The following SLC24A2 variants were observed in gnomAD, a reference collection of about 807,000 sequenced individuals.
SLC24A2 encodes the protein solute carrier family 24 member 2, also known as sodium/potassium/calcium exchanger 2.
SLC24A2 carries 36 observed loss-of-function variants against 62.0 expected under a neutral mutation model. The ratio of observed to expected loss-of-function variants is 0.58; its 90% CI spans 0.44 to 0.77. The LOEUF is 0.77. Ranked by LOEUF, SLC24A2 falls within the 30% of genes least tolerant of loss-of-function variation. The pLI is 0.00. For synonymous variants in SLC24A2, 358 were observed against 294.0 expected (o/e 1.22, Z -2.23); for missense variants, 846 against 817.9 (o/e 1.03, Z -0.42).
chr9:19,649,086 C>G (rs1818728359), intron 2 of SLC24A2, among the ~76,000 whole-genome samples: 1 of 149,908 alleles, frequency 6.7e-6, no homozygotes, highest in African/African-American at 2.4e-5. Flanking sequence ...TAGAAAAGTT[C>G]CAAGGTCAAG....
intron 10 of SLC24A2, among the ~76,000 whole-genome samples, chr9:19,520,062 A>G (rs1170136788): frequency 6.6e-6 from 1 of 152,222 alleles, no homozygotes. Context: ...CATGGTAGAC[A>G]CTGTATGAAA....
At chr9:20,125,454 T>C in the SLC24A2 span, among the ~76,000 whole-genome samples, 1 of 152,184 alleles carries the variant, frequency 6.6e-6, no homozygotes, top group Non-Finnish European at 1.5e-5. Context: ...TTATAGTCAG[T>C]AAATACACTC....
chr9:20,298,976 C>T, the SLC24A2 span, among the ~76,000 whole-genome samples: 3 of 152,154 alleles, frequency 2.0e-5, no homozygotes, highest in Non-Finnish European at 4.4e-5. Context: ...AGAGGACATG[C>T]GGCCATGGAG....
At chr9:19,749,323 C>T (rs1459431648) in intron 2 of SLC24A2, among the ~76,000 whole-genome samples, 1 of 151,654 alleles carries the variant, frequency 6.6e-6, no homozygotes, top group Non-Finnish European at 1.5e-5. Flanking sequence ...CTTTTTTGAC[C>T]ATATTTTTAT....
At chr9:20,256,921 TACACACAC>T in the SLC24A2 span, among the ~76,000 whole-genome samples, 6 of 119,884 alleles carry the variant, frequency 5.0e-5, no homozygotes, top group African/African-American at 1.1e-4. Context: ...CTCCAGCATG[TACACACAC>T]ACACACACAC....
At chr9:19,755,012 A>G (rs1255614411) in intron 2 of SLC24A2, among the ~76,000 whole-genome samples, 6 of 152,106 alleles carry the variant, frequency 3.9e-5, no homozygotes, top group Non-Finnish European at 7.4e-5. Flanking sequence ...AGACTGATAT[A>G]CCTCTCTAAC....
At chr9:19,657,208 T>C (rs1818966854) in intron 2 of SLC24A2, among the ~76,000 whole-genome samples, 2 of 152,182 alleles carry the variant, frequency 1.3e-5, no homozygotes. Context: ...TGTCGTGTAT[T>C]GAGTGCTACG....
chr9:19,820,039 A>ACATATATGTATATATATATGTG, the SLC24A2 span, among the ~76,000 whole-genome samples: 5 of 20,674 alleles, frequency 2.4e-4, 1 homozygote, highest in African/African-American at 3.4e-4. Flanking sequence ...ATATATATAT[A>ACATATATGTATATATATATGTG]TACATATATA....
the SLC24A2 span, among the ~76,000 whole-genome samples, chr9:20,107,939 C>A: frequency 1.3e-5 from 2 of 152,104 alleles, no homozygotes. Context: ...TTTTCGCAAC[C>A]TACTCATCTG....
At chr9:20,050,679 A>G in the SLC24A2 span, among the ~76,000 whole-genome samples, 1 of 152,228 alleles carries the variant, frequency 6.6e-6, no homozygotes, top group African/African-American at 2.4e-5. Context: ...AAGAAACTCA[A>G]TGACGTGAAT....
At chr9:20,256,112 G>A in the SLC24A2 span, among the ~76,000 whole-genome samples, 2 of 152,196 alleles carry the variant, frequency 1.3e-5, no homozygotes, top group Non-Finnish European at 2.9e-5. Flanking sequence ...TGTGATAACA[G>A]TATTAATTAT....
the SLC24A2 span, among the ~76,000 whole-genome samples, chr9:20,220,039 T>C: frequency 6.6e-6 from 1 of 152,164 alleles, no homozygotes; most frequent in Non-Finnish European, 1.5e-5. Flanking sequence ...TAATTTATTA[T>C]TCCTTTTACT....
chr9:19,713,789 C>T (rs1410705961), intron 2 of SLC24A2, among the ~76,000 whole-genome samples: 1 of 151,532 alleles, frequency 6.6e-6, no homozygotes, highest in South Asian at 2.1e-4. Context: ...ATTTTTTTTT[C>T]CCCCCGATGA....
At chr9:19,943,967 AT>A in the SLC24A2 span, among the ~76,000 whole-genome samples, 1 of 152,218 alleles carries the variant, frequency 6.6e-6, no homozygotes, top group Admixed American at 6.5e-5. Context: ...CAATTTAAAC[AT>A]TAGATGATTC....
the SLC24A2 span, among the ~76,000 whole-genome samples, chr9:19,829,822 C>T: frequency 7.0e-6 from 1 of 142,098 alleles, no homozygotes; most frequent in African/African-American, 2.5e-5. Flanking sequence ...CACACACACA[C>T]ACACACACAC....
At chr9:19,770,005 A>T (rs1254100833) in intron 2 of SLC24A2, among the ~76,000 whole-genome samples, 1 of 151,688 alleles carries the variant, frequency 6.6e-6, no homozygotes, top group African/African-American at 2.4e-5. Context: ...TTACTTACCT[A>T]AATAAAGCAA....
chr9:20,058,912 T>C, the SLC24A2 span, among the ~76,000 whole-genome samples: 1 of 152,250 alleles, frequency 6.6e-6, no homozygotes, highest in Non-Finnish European at 1.5e-5. Context: ...AAAATGCTAC[T>C]TTGATACTGT....
chr9:20,258,110 A>G, the SLC24A2 span, among the ~76,000 whole-genome samples: 1 of 152,112 alleles, frequency 6.6e-6, no homozygotes, highest in Non-Finnish European at 1.5e-5. Flanking sequence ...GAGAATAATG[A>G]CTCCCAAAGA....
the SLC24A2 span, among the ~76,000 whole-genome samples, chr9:20,148,438 G>A: frequency 1.3e-5 from 2 of 152,078 alleles, no homozygotes. Context: ...TTGACTATGG[G>A]CATGAAGTCA....
Sources: gnomAD v4.1 joint callset for allele counts (sites outside exome capture counted in the v4.1 genomes callset) on GRCh38, gnomAD v4.1.1 for gene constraint, MANE v1.5 for transcripts, NCBI Gene and HGNC (gene_info 2026-07-23, HGNC 2026-07-21) for gene names.